Variants in BCORL1 observed in about 807,000 individuals in gnomAD.
BCORL1 encodes the protein BCL6 corepressor like 1.
A neutral mutation model predicts 87.6 loss-of-function variants in BCORL1; 7 were observed. That is an observed-to-expected ratio of 0.08 (90% CI 0.05 to 0.15). The LOEUF (loss-of-function observed/expected upper bound fraction) is 0.15. BCORL1 is among the 10% of genes least tolerant of loss of function. BCORL1 has a pLI of 1.00. For missense variants in BCORL1, 1,215 were observed against 1,499.7 expected (o/e 0.81, Z 3.13); for synonymous variants, 591 against 634.4 (o/e 0.93, Z 1.03).
chrX:129,999,318 T>C (rs1927826971), intron 1 of BCORL1, among the ~76,000 whole-genome samples: 2 of 90,885 alleles, frequency 2.2e-5, no homozygotes, highest in Non-Finnish European at 4.4e-5. Flanking sequence ...TTTTTTTTTT[T>C]TTTTTTTTGA....
chrX:130,048,575 A>G (rs1270925065), intron 11 of BCORL1, among the ~76,000 whole-genome samples: 1 of 112,289 alleles, frequency 8.9e-6, no homozygotes, highest in Non-Finnish European at 1.9e-5. Context: ...GAGGAGGCTA[A>G]GCGGTGGCCT....
At chrX:130,051,186 C>T (rs1039839669) in intron 12 of BCORL1, among the ~76,000 whole-genome samples, 1 of 112,464 alleles carries the variant, frequency 8.9e-6, no homozygotes, top group African/African-American at 3.2e-5. Context: ...CTACCCTGCC[C>T]CCACGATGCA....
chrX:130,025,437 C>CG (rs1280844941), intron 7 of BCORL1, 58 bp downstream of exon 7: 10 of 1,064,690 alleles, frequency 9.4e-6, no homozygotes, highest in Non-Finnish European at 1.3e-6. Context: ...TGGGAACCCT[C>CG]GGGCATCTCT....
At chrX:130,028,909 TCA>T in intron 8 of BCORL1, 48 bp downstream of exon 8, 1 of 138,716 alleles carries the variant, frequency 7.2e-6, no homozygotes. Flanking sequence ...TGGCGGGGGG[TCA>T]GAGGAGGCAG....
At chrX:130,006,508 C>T (rs1229194519) in intron 2 of BCORL1, among the ~76,000 whole-genome samples, 1 of 109,269 alleles carries the variant, frequency 9.2e-6, no homozygotes, top group African/African-American at 3.3e-5. Flanking sequence ...CTACAGGTGC[C>T]GCCACCAAGC....
chrX:130,044,201 G>T (rs895694666), intron 11 of BCORL1, among the ~76,000 whole-genome samples: 2 of 110,656 alleles, frequency 1.8e-5, no homozygotes, highest in African/African-American at 6.6e-5. Flanking sequence ...ACCGCGCCCA[G>T]CCTGATTTTA....
chrX:130,022,845 G>A, intron 5 of BCORL1, 52 bp from the exon 6 acceptor site: 2 of 1,099,132 alleles, frequency 1.8e-6, no homozygotes, highest in Non-Finnish European at 2.5e-6. Flanking sequence ...TGGTCTTTAA[G>A]CTTTGATTGT....
intron 2 of BCORL1, among the ~76,000 whole-genome samples, chrX:130,011,463 T>C (rs867412410): frequency 1.8e-5 from 2 of 109,206 alleles, no homozygotes; most frequent in Non-Finnish European, 3.8e-5. Context: ...GATATTGAAC[T>C]CCTGACCTCA....
rs1354510978 is a variant in BCORL1, at chrX:130,013,855, C to G, written c.1083C>G (p.Thr361=). ...APPSVPMPTP[T]PSSGPPSTPT... ...CGTCTGTGCCCATGCCCACTCCAACCCCATCTTCCGGCCCACCTTCTACCC... is the reference window on the plus strand; with the variant it reads ...CGTCTGTGCCCATGCCCACTCCAACGCCATCTTCCGGCCCACCTTCTACCC... The change falls in exon 4 of 14, where the codon ACC becomes ACG. Residue 361 remains threonine (T), a synonymous_variant. Transcript: ENST00000540052. 3.4e-6 allele frequency: 4 copies of G among 1,167,319 alleles called. No homozygotes were observed. The highest frequency in any genetic ancestry group is 4.6e-6 in the Non-Finnish European group (4 of 872,997).
chrX:130,000,925 TG>T (rs1927993966), intron 1 of BCORL1, among the ~76,000 whole-genome samples: 2 of 109,970 alleles, frequency 1.8e-5, no homozygotes, highest in Admixed American at 9.8e-5. Context: ...TGTGTGTGTG[TG>T]TGTCGGGGGG....
At position 130,034,533 on chromosome X, in the gene BCORL1, C is replaced by A; in HGVS notation, c.4384C>A (p.Pro1462Thr). The A allele has an allele frequency of 7.1e-6, 7 of 982,940 alleles. No homozygotes were observed. Among genetic ancestry groups the A allele is most frequent in the Non-Finnish European group, 9.3e-6 (7 of 755,931 alleles). 81.0% of individuals were successfully genotyped at this position (982,940 alleles called of 1,213,427 possible). ...AGTGAAACCCACAGAACCATGTACACCCTCTAAGTCCCGAAGTGCCAGCTC... is the reference window on the plus strand; with the variant it reads ...AGTGAAACCCACAGAACCATGTACAACCTCTAAGTCCCGAAGTGCCAGCTC... ...TPVKPTEPCT[P>T]SKSRSASSEE... The change falls in exon 9 of 14, where the codon CCC becomes ACC. Residue 1462 changes from proline to threonine, a missense_variant. Transcript: ENST00000540052.
intron 1 of BCORL1, among the ~76,000 whole-genome samples, chrX:129,992,331 A>T (rs920315726): frequency 9.0e-6 from 1 of 111,185 alleles, no homozygotes; most frequent in African/African-American, 3.3e-5. Context: ...ATGTGTCTAT[A>T]GTCCCAGCTA....
intron 5 of BCORL1, 65 bp from the exon 6 acceptor site, chrX:130,022,832 T>G: frequency 2.0e-6 from 2 of 1,014,292 alleles, no homozygotes; most frequent in Non-Finnish European, 2.8e-6. Flanking sequence ...CAGGTGGGCT[T>G]TCTGGTCTTT....
chrX:129,997,455 C>A (rs1385094998), intron 1 of BCORL1, among the ~76,000 whole-genome samples: 2 of 111,102 alleles, frequency 1.8e-5, no homozygotes, highest in Non-Finnish European at 3.8e-5. Flanking sequence ...GGTTTCTCTT[C>A]CACTACCCGC....
At chrX:130,020,174 C>T (rs1264196292) in intron 4 of BCORL1, among the ~76,000 whole-genome samples, 2 of 112,436 alleles carry the variant, frequency 1.8e-5, no homozygotes, top group Non-Finnish European at 3.8e-5. Context: ...TGCGGGTTGG[C>T]CTGGTAAGTG....
At chrX:130,017,949 C>T (rs1006033498) in intron 4 of BCORL1, among the ~76,000 whole-genome samples, 1 of 112,081 alleles carries the variant, frequency 8.9e-6, no homozygotes, top group South Asian at 3.7e-4. Context: ...TTCTACTCTC[C>T]GCCCATGGAA....
chrX:130,000,896 T>G (rs7052670), intron 1 of BCORL1, among the ~76,000 whole-genome samples: 13 of 98,214 alleles, frequency 1.3e-4, no homozygotes, highest in African/African-American at 4.8e-4. Flanking sequence ...GGTGGATGCT[T>G]TGTGTGTGTG....
chrX:130,022,440 G>T (rs893373504), intron 5 of BCORL1, among the ~76,000 whole-genome samples: 1 of 107,785 alleles, frequency 9.3e-6, no homozygotes, highest in African/African-American at 3.4e-5. Context: ...TAGAGTCGGG[G>T]TTTCACCATG....
chrX:130,013,144 T>C lies in BCORL1; in HGVS notation c.372T>C (p.Leu124=). The change falls in exon 4 of 14, where the codon CTT becomes CTC. Residue 124 remains leucine, a synonymous_variant. Coordinates refer to ENST00000540052, the MANE Select transcript of BCORL1 (RefSeq NM_001379451.1). The stretch of plus-strand genomic sequence containing the variant: ...GCAGCCCAGGAGACGGGCTCAAGCT[T>C]CCCGCATCTGACAGCGCCGAGGCCA... ...PLSSPGDGLK[L]PASDSAEASN... 8.3e-7 allele frequency: 1 copy of C among 1,210,741 alleles called. No homozygotes were observed. The highest frequency in any genetic ancestry group is 1.1e-6 in the Non-Finnish European group (1 of 894,694).
Sources: gnomAD v4.1 joint callset for allele counts (sites outside exome capture counted in the v4.1 genomes callset) on GRCh38, gnomAD v4.1.1 for gene constraint, MANE v1.5 for transcripts, NCBI Gene and HGNC (gene_info 2026-07-23, HGNC 2026-07-21) for gene names.